The following ABCA12 variants were observed in gnomAD, a reference collection of about 807,000 sequenced individuals.
ABCA12 encodes ATP binding cassette subfamily A member 12, also known as glucosylceramide transporter ABCA12.
ABCA12 carries 156 observed loss-of-function variants against 293.5 expected under a neutral mutation model. That is an observed-to-expected ratio of 0.53 (90% CI 0.47 to 0.61). ABCA12 has a LOEUF of 0.61. Among genes scored for constraint, ABCA12 ranks in the 20% least tolerant of loss-of-function variants. The probability of loss-of-function intolerance (pLI) is 0.00; values close to 1 mark genes in which losing one functional copy is unlikely to be tolerated. For synonymous variants in ABCA12, 1,063 were observed against 1,108.0 expected (o/e 0.96, Z 0.81); for missense variants, 2,797 against 3,090.2 (o/e 0.91, Z 2.25).
intron 3 of ABCA12, among the ~76,000 whole-genome samples, chr2:215,061,508 CT>C (rs1163198521): frequency 6.6e-6 from 1 of 152,008 alleles, no homozygotes; most frequent in Non-Finnish European, 1.5e-5. Flanking sequence ...GTGAATCTTC[CT>C]TCACTAAAGG....
chr2:215,097,491 A>C (rs1023782290), intron 2 of ABCA12, among the ~76,000 whole-genome samples: 35 of 152,298 alleles, frequency 2.3e-4, no homozygotes, highest in African/African-American at 7.7e-4. Context: ...ATGCTATAAT[A>C]AATAAATATT....
chr2:214,994,914 C>T (rs1409178024), intron 23 of ABCA12, among the ~76,000 whole-genome samples: 1 of 152,114 alleles, frequency 6.6e-6, no homozygotes, highest in Non-Finnish European at 1.5e-5. Context: ...AAGTCCCATA[C>T]ATGACTTACA....
intron 52 of ABCA12, 37 bp downstream of exon 52, chr2:214,934,041 G>A (rs2105907034): frequency 1.3e-6 from 2 of 1,596,680 alleles, no homozygotes; most frequent in Non-Finnish European, 1.7e-6. Context: ...ATATTAATAT[G>A]TGACGTTGTG....
chr2:215,041,273 G>T (rs1701094690), intron 7 of ABCA12, among the ~76,000 whole-genome samples: 1 of 152,098 alleles, frequency 6.6e-6, no homozygotes. Flanking sequence ...TACAAAATAG[G>T]CCAGGTGCTG....
At chr2:215,051,098 T>C (rs1701311728) in intron 5 of ABCA12, among the ~76,000 whole-genome samples, 1 of 152,176 alleles carries the variant, frequency 6.6e-6, no homozygotes, top group South Asian at 2.1e-4. Context: ...ATTGCTCTTC[T>C]AGATATTAAA....
At chr2:214,950,420 GTA>G (rs1157746090) in intron 45 of ABCA12, among the ~76,000 whole-genome samples, 1,776 of 146,060 alleles carry the variant, frequency 0.012, 35 homozygotes, top group African/African-American at 0.043. Flanking sequence ...GTGTGTGTGT[GTA>G]TATATATGCA....
chr2:214,974,692 A>C, intron 35 of ABCA12, 86 bp downstream of exon 35: 1 of 1,292,334 alleles, frequency 7.7e-7, no homozygotes, highest in Non-Finnish European at 1.1e-6. Context: ...TTCCAGGCAA[A>C]TAACAGACAC....
chr2:215,045,739 T>C (rs1243497288), intron 7 of ABCA12, 98 bp downstream of exon 7: 7 of 1,128,286 alleles, frequency 6.2e-6, no homozygotes, highest in Non-Finnish European at 9.0e-6. Flanking sequence ...TTGCTCTGTG[T>C]TTAAATAACC....
intron 19 of ABCA12, among the ~76,000 whole-genome samples, chr2:215,006,523 T>C (rs1342683803): frequency 6.6e-6 from 1 of 152,210 alleles, no homozygotes; most frequent in Non-Finnish European, 1.5e-5. Flanking sequence ...TATGCATTAA[T>C]TCTTAGTCAA....
intron 43 of ABCA12, 136 bp downstream of exon 43, chr2:214,955,066 T>C: frequency 8.7e-7 from 1 of 1,149,270 alleles, no homozygotes; most frequent in Non-Finnish European, 1.2e-6. Context: ...AAAAGAATTT[T>C]AAAAGCTGTA....
intron 18 of ABCA12, among the ~76,000 whole-genome samples, chr2:215,008,961 A>G (rs1700312733): frequency 6.6e-6 from 1 of 152,170 alleles, no homozygotes; most frequent in Non-Finnish European, 1.5e-5. Context: ...CGACTCAGCA[A>G]TCCCATTACT....
chr2:215,087,125 A>G (rs957096228), intron 2 of ABCA12, among the ~76,000 whole-genome samples: 15 of 152,062 alleles, frequency 9.9e-5, no homozygotes, highest in East Asian at 7.7e-4. Flanking sequence ...TATTTTTAGT[A>G]GAGACTGGAT....
chr2:215,015,729 A>G, intron 14 of ABCA12, 66 bp from the exon 15 acceptor site: 1 of 1,495,822 alleles, frequency 6.7e-7, no homozygotes. Flanking sequence ...TCATTTTGTG[A>G]GGTTTTCTGT....
At chr2:215,114,227 C>T (rs1034853475) in intron 1 of ABCA12, among the ~76,000 whole-genome samples, 5 of 152,188 alleles carry the variant, frequency 3.3e-5, no homozygotes, top group African/African-American at 1.2e-4. Context: ...CCCACCTTGG[C>T]CTCCCAAAGT....
At chr2:215,025,866 T>C (rs891000682) in intron 10 of ABCA12, 87 bp from the exon 11 acceptor site, 10 of 877,168 alleles carry the variant, frequency 1.1e-5, no homozygotes, top group African/African-American at 3.4e-5. Flanking sequence ...TCCTGACTTA[T>C]TACTAAATTT....
At chr2:215,048,593 G>T (rs112147555) in intron 6 of ABCA12, among the ~76,000 whole-genome samples, 1 of 151,578 alleles carries the variant, frequency 6.6e-6, no homozygotes, top group African/African-American at 2.4e-5. Context: ...GTCCCAGCTA[G>T]TCGGGAGGCT....
At chr2:215,134,082 CA>C (rs1250648784) in intron 1 of ABCA12, among the ~76,000 whole-genome samples, 1 of 151,810 alleles carries the variant, frequency 6.6e-6, no homozygotes, top group Admixed American at 6.6e-5. Context: ...ACATTTACTC[CA>C]AGAATAATTT....
intron 51 of ABCA12, 111 bp downstream of exon 51, chr2:214,937,399 A>C: frequency 1.3e-6 from 1 of 768,068 alleles, no homozygotes; most frequent in East Asian, 2.8e-5. Flanking sequence ...GGGTTTCACC[A>C]TGTTGGCCAG....
chr2:215,021,058 C>T (rs1416476884), intron 11 of ABCA12, among the ~76,000 whole-genome samples: 1 of 152,164 alleles, frequency 6.6e-6, no homozygotes, highest in East Asian at 1.9e-4. Context: ...ACCTTGTTGC[C>T]CTGGCTGGTC....
Sources: gnomAD v4.1 joint callset for allele counts (sites outside exome capture counted in the v4.1 genomes callset) on GRCh38, gnomAD v4.1.1 for gene constraint, MANE v1.5 for transcripts, NCBI Gene and HGNC (gene_info 2026-07-23, HGNC 2026-07-21) for gene names.